Variants in TRIM2 observed in about 807,000 individuals in gnomAD.
The protein encoded by TRIM2 is tripartite motif containing 2.
Under a neutral mutation model 75.2 loss-of-function variants are expected in TRIM2, and 20 were observed. The ratio of observed to expected loss-of-function variants is 0.27; its 90% confidence interval spans 0.19 to 0.39. The LOEUF (loss-of-function observed/expected upper bound fraction) is 0.39. Among genes scored for constraint, TRIM2 ranks in the 10% least tolerant of loss-of-function variants. TRIM2 has a pLI of 1.00. For synonymous variants in TRIM2, 373 were observed against 388.3 expected, an observed-to-expected ratio of 0.96 and a Z score of 0.46; for missense variants, 660 against 990.8, an observed-to-expected ratio of 0.67 and a Z score of 4.48.
rs190663938 is a variant in TRIM2, at chr4:153,230,639, C to A, written c.30+26079C>A. Among the ~76,000 whole-genome samples, 292 of 152,340 alleles carry A rather than the reference C, an allele frequency of 1.9e-3. 2 individuals carry two copies. Among genetic ancestry groups the A allele is most frequent in the Non-Finnish European group, 3.2e-3 (216 of 68,034 alleles). On this transcript the variant is annotated intron_variant, in intron 1 of 11. Transcript: ENST00000338700. ...TTTCTCCTGAGAATCTGGGATACTGCATGCCTTAAGGGAGATTGAGGTGAC... is the reference window on the plus strand; with the variant it reads ...TTTCTCCTGAGAATCTGGGATACTGAATGCCTTAAGGGAGATTGAGGTGAC...
chr4:153,306,180 AT>A, intron 6 of TRIM2, among the ~76,000 whole-genome samples: 1 of 152,022 alleles, frequency 6.6e-6, no homozygotes, highest in Non-Finnish European at 1.5e-5. Context: ...GCCTGCTATT[AT>A]TAGCCATATG....
chr4:153,209,920 A>G (rs1736494344), intron 1 of TRIM2, among the ~76,000 whole-genome samples: 1 of 152,198 alleles, frequency 6.6e-6, no homozygotes, highest in African/African-American at 2.4e-5. Flanking sequence ...AGGAGAATAA[A>G]ATAGAGTTTC....
At chr4:153,186,441 A>G (rs1560794470) in intron 1 of TRIM2, among the ~76,000 whole-genome samples, 1 of 152,230 alleles carries the variant, frequency 6.6e-6, no homozygotes, top group East Asian at 1.9e-4. Context: ...TCTAGGAAAT[A>G]GCGCTTAACC....
chr4:153,299,982 C>A (rs1167573313), intron 6 of TRIM2, among the ~76,000 whole-genome samples: 1 of 152,212 alleles, frequency 6.6e-6, no homozygotes, highest in Non-Finnish European at 1.5e-5. Context: ...CTCACCATTA[C>A]TCCGTTTGCA....
rs768615924 is a variant in TRIM2, at chr4:153,295,716, G to A, written c.1190G>A (p.Ser397Asn). 1.2e-6 allele frequency: 2 copies of A among 1,613,970 alleles called. No homozygotes were observed. The highest frequency in any genetic ancestry group is 3.3e-5 in the Admixed American group (2 of 60,008). The change falls in exon 6 of 12, where the codon AGC (serine) becomes AAC (asparagine). Residue 397 changes from serine (S) to asparagine (N), a missense_variant. Physicochemically the swap from Ser to Asn is conservative, Grantham distance 46. This residue lies in a region of TRIM2 where 620 missense variants were observed against 891.0 expected (regional missense o/e 0.70). Transcript: ENST00000338700. This position sits in a 1 kb window ranked among gnomAD's most constrained non-coding sequence, Gnocchi z 7.2. Reference protein sequence around the residue: ...TGNAYLTAELSTPDGSVADGE... With the variant: ...TGNAYLTAELNTPDGSVADGE... ...AACGCCTACCTCACCGCCGAACTGA[G>A]CACCCCCGACGGGAGCGTGGCAGAC...
At chr4:153,239,666 C>T (rs1301088923) in intron 1 of TRIM2, among the ~76,000 whole-genome samples, 2 of 152,066 alleles carry the variant, frequency 1.3e-5, no homozygotes, top group African/African-American at 4.8e-5. Flanking sequence ...GTTTTCTTCT[C>T]GTTCTGTCTT....
intron 2 of TRIM2, among the ~76,000 whole-genome samples, chr4:153,274,186 CTT>C (rs776504227): frequency 7.9e-5 from 12 of 152,162 alleles, no homozygotes; most frequent in Non-Finnish European, 1.2e-4. Context: ...AAATGGCTCT[CTT>C]TGAGTTTTGA....
chr4:153,288,486 TCAC>T, intron 3 of TRIM2, among the ~76,000 whole-genome samples: 1 of 152,160 alleles, frequency 6.6e-6, no homozygotes. Context: ...ACAAGATGAG[TCAC>T]CTCTGTCTTG....
At chr4:153,310,565 C>G (rs1230026140) in intron 6 of TRIM2, among the ~76,000 whole-genome samples, 2 of 152,124 alleles carry the variant, frequency 1.3e-5, no homozygotes, top group Non-Finnish European at 2.9e-5. Context: ...ATTGTCTTCC[C>G]AAGTATATGC....
At chr4:153,164,792 T>G (rs1413059870) in intron 1 of TRIM2, among the ~76,000 whole-genome samples, 10 of 152,254 alleles carry the variant, frequency 6.6e-5, no homozygotes, top group Non-Finnish European at 1.5e-4. Context: ...TCCTTTCTTA[T>G]GACTTACTTA....
upstream of TRIM2, among the ~76,000 whole-genome samples, chr4:153,203,273 T>G (rs966401917): frequency 9.2e-5 from 14 of 151,948 alleles, no homozygotes; most frequent in Non-Finnish European, 4.4e-5. Context: ...TCCCAGCTAC[T>G]AGGGAGGCTG....
At chr4:153,231,642 T>C (rs1444839552) in intron 1 of TRIM2, among the ~76,000 whole-genome samples, 3 of 152,164 alleles carry the variant, frequency 2.0e-5, no homozygotes, top group South Asian at 4.1e-4. Flanking sequence ...AATACAGACT[T>C]GATGCTTAGG....
At position 153,172,717 on chromosome 4, in the gene TRIM2, A is replaced by G. The variant is rs541799078; in HGVS notation, c.-49+19447A>G. ...TGGCCATAAAACAGGATAGGAACATAGAGAATAACCAGGATCAGGGGAGGG... is the reference window on the plus strand; with the variant it reads ...TGGCCATAAAACAGGATAGGAACATGGAGAATAACCAGGATCAGGGGAGGG... On this transcript the variant is annotated intron_variant, in intron 1 of 11. Coordinates refer to the TRIM2 transcript ENST00000437508. Among the ~76,000 whole-genome samples the G allele has an allele frequency of 1.1e-4, 16 of 152,306 alleles. No individual in the cohort carries two copies. In the East Asian group the frequency reaches 2.9e-3, roughly 28 times the overall value.
At chr4:153,316,086 G>T in intron 8 of TRIM2, 87 bp downstream of exon 8, 1 of 1,288,414 alleles carries the variant, frequency 7.8e-7, no homozygotes, top group Non-Finnish European at 1.1e-6. Context: ...TTTTTGAGAT[G>T]CAGTGCAACA....
chr4:153,240,788 C>T (rs766750279), intron 1 of TRIM2, among the ~76,000 whole-genome samples: 9 of 152,130 alleles, frequency 5.9e-5, no homozygotes, highest in Non-Finnish European at 1.2e-4. Flanking sequence ...ATATTAAAAT[C>T]GTTTCCCTGG....
intron 1 of TRIM2, among the ~76,000 whole-genome samples, chr4:153,209,702 C>T (rs6833000): frequency 0.34 from 51,467 of 152,068 alleles, 9,751 homozygotes; most frequent in East Asian, 0.62. Flanking sequence ...TCTGACTTCA[C>T]GAACGTTACC....
chr4:153,275,915 G>GCCC lies in TRIM2; in HGVS notation c.239_241dup (p.Ala80_His81insPro). 6.2e-7 allele frequency: 1 copy of GCCC among 1,614,090 alleles called. No homozygotes were observed. Among genetic ancestry groups the GCCC allele is most frequent in the Non-Finnish European group, 8.5e-7 (1 of 1,180,004 alleles). On this transcript the variant is annotated inframe_insertion, in exon 3 of 12. Transcript: ENST00000338700. ...CAGGTGCCTGCAGAACTACATTCCT[G>GCCC]CCCACAGTTTAACCCTCTCCTGCCC...
At chr4:153,324,423 C>T (rs114558067) in intron 10 of TRIM2, 504 of 227,088 alleles carry the variant, frequency 2.2e-3, no homozygotes, top group African/African-American at 0.011. Flanking sequence ...ATTCGTTGAA[C>T]TTAGAGGCAG....
At position 153,295,649 on chromosome 4, in the gene TRIM2, A is replaced by G; in HGVS notation, c.1123A>G (p.Ile375Val). Reference sequence around the variant, plus strand: ...CATCGGGCAGCCCATGTCCGTCACCATCACCACCAAGGACAAAGACGGTGA... The same window carrying G: ...CATCGGGCAGCCCATGTCCGTCACCGTCACCACCAAGGACAAAGACGGTGA... ...TIIGQPMSVT[I>V]TTKDKDGELC... Residue 375 changes from isoleucine to valine, a missense_variant, in exon 6 of 12, where the codon ATC becomes GTC. By Grantham distance (29) the Ile-to-Val change is conservative. Around this residue, in one of 2 missense-constraint regions of TRIM2, gnomAD observed 620 missense variants for 891.0 expected, o/e 0.70. Coordinates refer to ENST00000338700, the MANE Select transcript of TRIM2 (RefSeq NM_015271.5). The surrounding 1 kb of genome is among the most constrained non-coding windows in gnomAD (Gnocchi z 7.2). 1.2e-6 allele frequency: 2 copies of G among 1,614,008 alleles called. No individual in the cohort carries two copies. Among genetic ancestry groups the G allele is most frequent in the Non-Finnish European group, 1.7e-6 (2 of 1,179,986 alleles).
Sources: gnomAD v4.1 joint callset for allele counts (sites outside exome capture counted in the v4.1 genomes callset) on GRCh38, gnomAD v4.1.1 for gene constraint, gnomAD v4.1.1 regional missense constraint, Gnocchi (gnomAD v3.1) non-coding constraint, MANE v1.5 for transcripts, NCBI Gene and HGNC (gene_info 2026-07-23, HGNC 2026-07-21) for gene names.